TEAD1: variants seen among roughly 807,000 people sequenced by gnomAD.
The protein encoded by TEAD1 is TEA domain transcription factor 1.
Under a neutral mutation model 54.9 loss-of-function variants are expected in TEAD1, and 9 were observed. The observed-to-expected ratio is 0.16, with a 90% CI of 0.10 to 0.29. The LOEUF is 0.29. Among genes scored for constraint, TEAD1 ranks in the 10% least tolerant of loss-of-function variants. The probability of loss-of-function intolerance (pLI) is 1.00; values close to 1 mark genes in which losing one functional copy is unlikely to be tolerated. For missense variants in TEAD1, 387 were observed against 535.9 expected, an observed-to-expected ratio of 0.72 and a Z score of 2.74; for synonymous variants, 200 against 187.8, an observed-to-expected ratio of 1.07 and a Z score of -0.53.
intron 10 of TEAD1, among the ~76,000 whole-genome samples, chr11:12,917,635 T>C (rs16911760): frequency 0.16 from 24,388 of 152,248 alleles, 2,148 homozygotes; most frequent in Admixed American, 0.21. Context: ...TGAAGTGATT[T>C]TCCTGTGTCT....
intron 10 of TEAD1, among the ~76,000 whole-genome samples, chr11:12,913,074 T>A (rs1216095929): frequency 1.3e-5 from 2 of 152,122 alleles, no homozygotes; most frequent in African/African-American, 4.8e-5. Flanking sequence ...AGGAAAGAAT[T>A]GATGTGCCAT....
chr11:12,871,333 T>A (rs1296821749), intron 5 of TEAD1, among the ~76,000 whole-genome samples: 1 of 152,234 alleles, frequency 6.6e-6, no homozygotes, highest in Admixed American at 6.5e-5. Flanking sequence ...AGCAGCAGCA[T>A]GTCTGAGGAT....
At chr11:12,887,329 T>A (rs1296688851) in intron 9 of TEAD1, among the ~76,000 whole-genome samples, 2 of 152,052 alleles carry the variant, frequency 1.3e-5, no homozygotes, top group Non-Finnish European at 2.9e-5. Flanking sequence ...TCTCCTGACC[T>A]CGTGATCTGC....
At chr11:12,936,133 G>T (rs958494402) in intron 12 of TEAD1, among the ~76,000 whole-genome samples, 1 of 152,146 alleles carries the variant, frequency 6.6e-6, no homozygotes, top group African/African-American at 2.4e-5. Context: ...AGTCACTGAC[G>T]CGTTTCATGT....
In TEAD1 at chr11:12,880,985, C is replaced by T. The variant is rs1327856705; in HGVS notation, c.466-20C>T. ...TGAAGTAAACTCGTAATTCTGAGGC[C>T]TTTGCATTTTGCCTTCCAGTTCTGG... On this transcript the variant is annotated intron_variant, in intron 6 of 12. Coordinates refer to ENST00000527636, the MANE Select transcript of TEAD1 (RefSeq NM_021961.6). 1 of 1,614,098 alleles carries T rather than the reference C, an allele frequency of 6.2e-7. No individual in the cohort carries two copies. Among genetic ancestry groups the T allele is most frequent in the Non-Finnish European group, 8.5e-7 (1 of 1,179,968 alleles).
At position 12,759,845 on chromosome 11, in the gene TEAD1, G is replaced by A. The variant is rs146748411; in HGVS notation, c.-54-4334G>A. Among the ~76,000 whole-genome samples the A allele has an allele frequency of 5.8e-3, 889 of 152,306 alleles. 6 individuals carry two copies. Among genetic ancestry groups the A allele is most frequent in the African/African-American group, 0.02 (840 of 41,546 alleles). On this transcript the variant is annotated intron_variant, in intron 2 of 12. Coordinates refer to ENST00000527636, the MANE Select transcript of TEAD1 (RefSeq NM_021961.6). ...CCACTGCACTCCAGCCTGGGCAATA[G>A]AGTGAGACTCCATCTCAAAAGCAAA... is the stretch of plus-strand genomic sequence containing the variant.
intron 5 of TEAD1, among the ~76,000 whole-genome samples, chr11:12,868,661 GA>G (rs1947674713): frequency 6.6e-6 from 1 of 152,110 alleles, no homozygotes; most frequent in Non-Finnish European, 1.5e-5. Context: ...TTTTAGTAAA[GA>G]AAAAAATTGT....
intron 5 of TEAD1, among the ~76,000 whole-genome samples, chr11:12,872,232 TACTTC>T (rs1289044978): frequency 6.6e-6 from 1 of 152,206 alleles, no homozygotes; most frequent in African/African-American, 2.4e-5. Flanking sequence ...AAGGTAGACG[TACTTC>T]ACTTCACTCT....
Position 12,937,455 on chromosome 11 carries a change from GA to G in TEAD1, c.*234del. Reference sequence around the variant, plus strand: ...TGGTACAGTTGTAAAAAGAGAAATTGAGTTGTTTCTCTATGTTCTTCAGATG... The same window carrying G: ...TGGTACAGTTGTAAAAAGAGAAATTGGTTGTTTCTCTATGTTCTTCAGATG... On this transcript the variant is annotated 3_prime_UTR_variant, in exon 13 of 13. Transcript: ENST00000527636. The G allele has an allele frequency of 2.5e-6, 1 of 395,454 alleles. No individual in the cohort carries two copies. Among genetic ancestry groups the G allele is most frequent in the South Asian group, 3.0e-5 (1 of 33,424 alleles). The allele number at this position is 395,454 out of a possible 1,614,324, so 24.5% of individuals were successfully genotyped here.
At chr11:12,775,347 A>AGT (rs1044695681) in intron 3 of TEAD1, among the ~76,000 whole-genome samples, 3 of 152,160 alleles carry the variant, frequency 2.0e-5, no homozygotes, top group African/African-American at 7.2e-5. Context: ...ATCAGAGGGA[A>AGT]GTAGAGAGTG....
At chr11:12,768,442 G>C (rs1945251451) in intron 3 of TEAD1, among the ~76,000 whole-genome samples, 1 of 152,206 alleles carries the variant, frequency 6.6e-6, no homozygotes, top group African/African-American at 2.4e-5. Flanking sequence ...TATGCTAAAG[G>C]CTCCACATAC....
chr11:12,696,707 G>A (rs1240554447), intron 2 of TEAD1, among the ~76,000 whole-genome samples: 2 of 152,192 alleles, frequency 1.3e-5, no homozygotes, highest in South Asian at 2.1e-4. Context: ...GTGTTTGGCC[G>A]ACTAGTTTGT....
rs567345171 is a variant in TEAD1, at chr11:12,863,326, C to T, written c.267+1012C>T. On this transcript the variant is annotated intron_variant, in intron 4 of 12. Coordinates refer to ENST00000527636, the MANE Select transcript of TEAD1 (RefSeq NM_021961.6). The stretch of plus-strand genomic sequence containing the variant: ...AAAGAGAGGTGGCCTCCTGCCAGCA[C>T]GCAGAGGCAGCGCATTGTCTGTTTG... 5.8e-4 allele frequency among the ~76,000 whole-genome samples: 88 copies of T among 152,206 alleles called. 1 individual carries two copies. The Middle Eastern group carries it at 0.01, about 18-fold the overall frequency.
chr11:12,934,828 C>T (rs80044241), intron 12 of TEAD1, among the ~76,000 whole-genome samples: 3 of 152,006 alleles, frequency 2.0e-5, no homozygotes, highest in African/African-American at 4.8e-5. Flanking sequence ...GCACTTGTCA[C>T]GTAGTAATTC....
At chr11:12,742,887 C>T (rs73423611) in intron 2 of TEAD1, among the ~76,000 whole-genome samples, 2,706 of 152,268 alleles carry the variant, frequency 0.018, 83 homozygotes, top group African/African-American at 0.063. Context: ...AGCTCAGCCT[C>T]CAGCTCTTAT....
chr11:12,895,038 T>C (rs1948283127), intron 9 of TEAD1, among the ~76,000 whole-genome samples: 1 of 152,074 alleles, frequency 6.6e-6, no homozygotes, highest in Non-Finnish European at 1.5e-5. Flanking sequence ...AGTTAGGAAG[T>C]GGTGCTACTG....
intron 2 of TEAD1, among the ~76,000 whole-genome samples, chr11:12,758,037 C>T (rs1347028617): frequency 2.0e-5 from 3 of 152,122 alleles, no homozygotes; most frequent in African/African-American, 7.2e-5. Context: ...ACCTTGGCCT[C>T]CCAAAGTGCT....
intron 3 of TEAD1, among the ~76,000 whole-genome samples, chr11:12,845,482 C>T (rs1012025658): frequency 6.6e-6 from 1 of 151,970 alleles, no homozygotes; most frequent in Non-Finnish European, 1.5e-5. Context: ...AACAACAGAG[C>T]GTCCTCTTTC....
chr11:12,880,917 T>G, intron 6 of TEAD1, 88 bp from the exon 7 acceptor site: 1 of 1,457,652 alleles, frequency 6.9e-7, no homozygotes, highest in Non-Finnish European at 9.6e-7. Context: ...ACCTGCTGTC[T>G]TTTAGCAGGG....
Sources: gnomAD v4.1 joint callset for allele counts (sites outside exome capture counted in the v4.1 genomes callset) on GRCh38, gnomAD v4.1.1 for gene constraint, MANE v1.5 for transcripts, NCBI Gene and HGNC (gene_info 2026-07-23, HGNC 2026-07-21) for gene names.